Variants in NUTM1 observed in about 807,000 individuals in gnomAD.
The protein encoded by NUTM1 is NUT midline carcinoma family member 1, also known as NUT family member 1.
Under a neutral mutation model 88.7 loss-of-function variants are expected in NUTM1, and 39 were observed. That is an observed-to-expected ratio of 0.44 (90% CI 0.34 to 0.57). The LOEUF (loss-of-function observed/expected upper bound fraction) is 0.57, where lower values mean the gene tolerates loss of function less well. NUTM1 is among the 20% of genes least tolerant of loss of function. NUTM1 has a pLI of 0.01. For synonymous variants in NUTM1, 494 were observed against 538.0 expected (o/e 0.92, Z 1.13); for missense variants, 1,350 against 1,414.5 (o/e 0.95, Z 0.73).
At chr15:34,345,027 A>T (rs964952682) in intron 1 of NUTM1, among the ~76,000 whole-genome samples, 2 of 152,076 alleles carry the variant, frequency 1.3e-5, no homozygotes, top group South Asian at 2.1e-4. Flanking sequence ...AAAAAAAAAA[A>T]TTTAAATCTA....
At chr15:34,346,470 G>A (rs941455650) in intron 2 of NUTM1, among the ~76,000 whole-genome samples, 1 of 150,764 alleles carries the variant, frequency 6.6e-6, no homozygotes, top group Non-Finnish European at 1.5e-5. Context: ...GGAAGGGGAT[G>A]TGGAGGATGG....
rs778831851 is a variant in NUTM1 at position 34,348,300 on chromosome 15, G to A, written c.432G>A (p.Ser144=). 4.3e-6 allele frequency: 7 copies of A among 1,614,052 alleles called. No homozygotes were observed. Among genetic ancestry groups the A allele is most frequent in the Admixed American group, 1.7e-5 (1 of 60,000 alleles). The change falls in exon 3 of 8, where the codon TCG becomes TCA. Residue 144 remains serine (S), a synonymous_variant. Transcript: ENST00000537011. ...NFILTQTALN[S]TAPGTPCGGL... ...TCCTTACTCAGACTGCCCTCAATTCGACTGCCCCGGGCACTCCCTGTGGAG... is the reference window on the plus strand; with the variant it reads ...TCCTTACTCAGACTGCCCTCAATTCAACTGCCCCGGGCACTCCCTGTGGAG...
At chr15:34,350,662 G>C (rs777222263) in intron 3 of NUTM1, 42 bp from the exon 4 acceptor site, 1 of 1,598,028 alleles carries the variant, frequency 6.3e-7, no homozygotes, top group Non-Finnish European at 8.5e-7. Flanking sequence ...AGGTGGATGG[G>C]AGCACACTTT....
In NUTM1 at chr15:34,348,658, G is replaced by C. The variant is rs767171174; in HGVS notation, c.790G>C (p.Ala264Pro). Residue 264 changes from alanine to proline, a missense_variant, in exon 3 of 8, where the codon GCT (alanine) becomes CCT (proline). Ala to Pro is a conservative substitution (Grantham distance 27, BLOSUM62 -1). This residue lies in a region of NUTM1 where 399 missense variants were observed against 397.9 expected (regional missense o/e 1.00). Coordinates refer to ENST00000537011, the MANE Select transcript of NUTM1 (RefSeq NM_001284292.2). ...RHLSQSPDTE[A>P]LSCFLIPVLR... ...CCTATCCCAGAGTCCTGACACAGAA[G>C]CTCTTTCCTGTTTTCTTATGTAAGT... is the stretch of plus-strand genomic sequence containing the variant. 6.2e-7 allele frequency: 1 copy of C among 1,604,364 alleles called. No individual in the cohort carries two copies. Among genetic ancestry groups the C allele is most frequent in the South Asian group, 1.1e-5 (1 of 91,046 alleles).
At chr15:34,343,801 G>T in intron 1 of NUTM1, 99 bp downstream of exon 1, 2 of 1,083,608 alleles carry the variant, frequency 1.8e-6, no homozygotes, top group Non-Finnish European at 2.6e-6. Flanking sequence ...CTCGTTTAAA[G>T]AAATGAAAAT....
At position 34,354,877 on chromosome 15, in the gene NUTM1, ATG is replaced by A. The variant is rs961577139; in HGVS notation, c.1363-138_1363-137del. On this transcript the variant is annotated intron_variant, in intron 6 of 7. Transcript: ENST00000537011. Reference sequence around the variant, plus strand: ...TGTGTGTGCATGCATCATCATGAGAATGTGTGTAGCCGGTGGTGGTCAGTTTA... The same window carrying A: ...TGTGTGTGCATGCATCATCATGAGAATGTGTAGCCGGTGGTGGTCAGTTTA... 6.5e-5 allele frequency: 66 copies of A among 1,019,410 alleles called. No individual in the cohort carries two copies. The African/African-American group carries it at 8.4e-4, about 13-fold the overall frequency. The allele number at this position is 1,019,410 out of a possible 1,614,324, so 63.1% of individuals were successfully genotyped here.
At position 34,357,269 on chromosome 15, in the gene NUTM1, A is replaced by C; in HGVS notation, c.3261A>C (p.Ala1087=). The change falls in exon 8 of 8, where the codon GCA becomes GCC. Residue 1087 remains alanine, a synonymous_variant. Coordinates refer to ENST00000537011, the MANE Select transcript of NUTM1 (RefSeq NM_001284292.2). ...QRASHLLPAG[A]KGPSKLPYPV... ...CATCCCACCTGCTCCCTGCTGGAGC[A>C]AAAGGCCCCAGCAAACTTCCATATC... 2 of 1,614,066 alleles carry C rather than the reference A, an allele frequency of 1.2e-6. No homozygotes were observed. Among genetic ancestry groups the C allele is most frequent in the Non-Finnish European group, 1.7e-6 (2 of 1,179,998 alleles).
rs746914938 is a variant in NUTM1, at chr15:34,348,428, C to T, written c.560C>T (p.Pro187Leu). 14 of 1,613,980 alleles carry T rather than the reference C, an allele frequency of 8.7e-6. No homozygotes were observed. Among genetic ancestry groups the T allele is most frequent in the Admixed American group, 6.7e-5 (4 of 60,004 alleles). Residue 187 changes from proline (P) to leucine (L), a missense_variant, in exon 3 of 8, where the codon CCG (proline) becomes CTG (leucine). Physicochemically the swap from Pro to Leu is moderately conservative, Grantham distance 98 (BLOSUM62 -3). This residue lies in a region of NUTM1 where 399 missense variants were observed against 397.9 expected (regional missense o/e 1.00). Transcript: ENST00000537011. Reference sequence around the variant, plus strand: ...AGCCAGGAGGGTCCTCCAGGCCTTCCGCCTCAGCCTCCACCACCAGTTGCT... The same window carrying T: ...AGCCAGGAGGGTCCTCCAGGCCTTCTGCCTCAGCCTCCACCACCAGTTGCT... ...GVSQEGPPGL[P>L]PQPPPPVAQL...
At chr15:34,349,956 TCCA>T (rs1286495665) in intron 3 of NUTM1, among the ~76,000 whole-genome samples, 1 of 152,184 alleles carries the variant, frequency 6.6e-6, no homozygotes, top group Non-Finnish European at 1.5e-5. Context: ...GGCAGGGTCT[TCCA>T]CAAGAGGCAG....
rs746440939 is a variant in NUTM1, at chr15:34,355,477, A to G, written c.1480-11A>G. 3 of 1,613,986 alleles carry G rather than the reference A, an allele frequency of 1.9e-6. No individual in the cohort carries two copies. The highest frequency in any genetic ancestry group is 2.2e-5 in the East Asian group (1 of 44,884). ...CACGTATAGAACTGACTATTTGTTC[A>G]TTTCTTTCAGCTGGTCCAGAAGCGA... On this transcript the variant is annotated splice_polypyrimidine_tract_variant and intron_variant, in intron 7 of 7. Coordinates refer to ENST00000537011, the MANE Select transcript of NUTM1 (RefSeq NM_001284292.2). This position sits in a 1 kb window ranked among gnomAD's most constrained non-coding sequence, Gnocchi z 4.3.
intron 1 of NUTM1, among the ~76,000 whole-genome samples, chr15:34,344,679 G>T (rs1890552993): frequency 6.6e-6 from 1 of 152,012 alleles, no homozygotes; most frequent in African/African-American, 2.4e-5. Flanking sequence ...ATTTTATTAC[G>T]CAGTTTGATT....
rs779291598 is a variant in NUTM1, at chr15:34,348,149, T to C, written c.281T>C (p.Phe94Ser). The C allele has an allele frequency of 5.6e-6, 9 of 1,614,036 alleles. No homozygotes were observed. In the Admixed American group the frequency reaches 1.5e-4, roughly 27 times the overall value. The change falls in exon 3 of 8, where the codon TTC becomes TCC. Residue 94 changes from phenylalanine to serine, a missense_variant. Physicochemically the swap from Phe to Ser is radical, Grantham distance 155. Transcript: ENST00000537011. Reference sequence around the variant, plus strand: ...GACAACCCTCTGATGCTCTCTGCTTTCCCCAGCTCACTGTTGGTGACAGGG... The same window carrying C: ...GACAACCCTCTGATGCTCTCTGCTTCCCCCAGCTCACTGTTGGTGACAGGG... ...SPDNPLMLSAFPSSLLVTGDG... is the reference protein window; with the variant it reads ...SPDNPLMLSASPSSLLVTGDG...
chr15:34,352,064 G>A (rs1331851259), intron 4 of NUTM1, among the ~76,000 whole-genome samples: 1 of 152,184 alleles, frequency 6.6e-6, no homozygotes, highest in African/African-American at 2.4e-5. Context: ...CAGCTACTCA[G>A]GAGGCTGAGG....
rs78367869 is a variant in NUTM1 at position 34,354,888 on chromosome 15, C to T, written c.1363-133C>T. 3.9e-3 allele frequency: 3,907 copies of T among 1,005,036 alleles called. 14 individuals are homozygous for T. Among genetic ancestry groups the T allele is most frequent in the Middle Eastern group, 7.4e-3 (33 of 4,442 alleles). The allele number at this position is 1,005,036 out of a possible 1,614,324, so 62.3% of individuals were successfully genotyped here. On this transcript the variant is annotated intron_variant, in intron 6 of 7. Transcript: ENST00000537011. ...GCATCATCATGAGAATGTGTGTAGC[C>T]GGTGGTGGTCAGTTTACAATACCGG...
chr15:34,357,498 G>A lies in NUTM1; in HGVS notation c.*7G>A. 6.2e-7 allele frequency: 1 copy of A among 1,612,664 alleles called. No homozygotes were observed. Among genetic ancestry groups the A allele is most frequent in the South Asian group, 1.1e-5 (1 of 90,936 alleles). On this transcript the variant is annotated 3_prime_UTR_variant, in exon 8 of 8. Coordinates refer to ENST00000537011, the MANE Select transcript of NUTM1 (RefSeq NM_001284292.2). ...ACGACGTCGTAGCCAGTAGGGAGCA[G>A]CGGGACCATCTGACCCCACTTGCCA...
rs965754546 is a variant in NUTM1 at position 34,343,390 on chromosome 15, G to C, written c.-307G>C. On this transcript the variant is annotated 5_prime_UTR_variant, in exon 1 of 8. Transcript: ENST00000537011. ...ATAGAATATTGACGTATAGAAGCCT[G>C]TCTTTGTCTCAAGATACACACCCAT... 10 of 610,540 alleles carry C rather than the reference G, an allele frequency of 1.6e-5. No individual in the cohort carries two copies. In the Admixed American group the frequency reaches 2.6e-4, roughly 16 times the overall value. The allele number at this position is 610,540 out of a possible 1,614,324, so 37.8% of individuals were successfully genotyped here.
chr15:34,356,282 T>C lies in NUTM1; in HGVS notation c.2274T>C (p.Ala758=), dbSNP rs758557237. 2.9e-5 allele frequency: 46 copies of C among 1,612,880 alleles called. No individual in the cohort carries two copies. Among genetic ancestry groups the C allele is most frequent in the Non-Finnish European group, 3.7e-5 (44 of 1,179,490 alleles). The change falls in exon 8 of 8, where the codon GCT becomes GCC. Residue 758 remains alanine (A), a synonymous_variant. Transcript: ENST00000537011. Reference sequence around the variant, plus strand: ...TTTGGCTGAGCAGTGAGATGGATGCTGTAGGCTTGGAGCTGCCTGTACAAA... The same window carrying C: ...TTTGGCTGAGCAGTGAGATGGATGCCGTAGGCTTGGAGCTGCCTGTACAAA... ...PGVWLSSEMD[A]VGLELPVQIE...
In NUTM1 at chr15:34,354,744, C is replaced by T. The variant is rs1890771181; in HGVS notation, c.1362+12C>T. The T allele has an allele frequency of 5.0e-6, 8 of 1,613,536 alleles. No individual in the cohort carries two copies. The African/African-American group carries it at 8.0e-5, about 16-fold the overall frequency. ...TCTTTGTCTCCAAGGTGAGCTGGGC[C>T]TGCACATCTTGTTTCTAGCAGATCC... On this transcript the variant is annotated intron_variant, in intron 6 of 7. Coordinates refer to ENST00000537011, the MANE Select transcript of NUTM1 (RefSeq NM_001284292.2).
At chr15:34,350,202 A>G (rs2140155372) in intron 3 of NUTM1, among the ~76,000 whole-genome samples, 1 of 152,322 alleles carries the variant, frequency 6.6e-6, no homozygotes, top group Non-Finnish European at 1.5e-5. Flanking sequence ...TAGTACTGGC[A>G]TTTAACTGTC....
Sources: allele counts gnomAD v4.1 joint callset (sites outside exome capture counted in the v4.1 genomes callset), GRCh38; gene constraint gnomAD v4.1.1; regional missense constraint gnomAD v4.1.1; non-coding constraint Gnocchi (gnomAD v3.1); transcripts MANE v1.5; gene names NCBI Gene and HGNC (gene_info 2026-07-23, HGNC 2026-07-21).